Variants in MAP4 observed in about 807,000 individuals in gnomAD.
The protein encoded by MAP4 is microtubule-associated protein 4.
In MAP4, 76 loss-of-function variants were observed where a neutral mutation model predicts 170.2. The observed-to-expected ratio is 0.45, with a 90% CI of 0.37 to 0.54. The LOEUF (loss-of-function observed/expected upper bound fraction) is 0.54, where lower values mean the gene tolerates loss of function less well. Ranked by LOEUF, MAP4 falls within the 20% of genes least tolerant of loss-of-function variation. The pLI is 0.00. For synonymous variants in MAP4, 909 were observed against 994.5 expected (o/e 0.91, Z 1.62); for missense variants, 2,506 against 2,748.0 (o/e 0.91, Z 1.97).
At chr3:48,073,976 T>C (rs1231339541) in intron 1 of MAP4, among the ~76,000 whole-genome samples, 1 of 152,100 alleles carries the variant, frequency 6.6e-6, no homozygotes, top group Admixed American at 6.6e-5. Context: ...CAAAAGATTA[T>C]AAATCATGTG....
intron 10 of MAP4, among the ~76,000 whole-genome samples, chr3:47,886,024 G>A (rs567792288): frequency 3.0e-4 from 45 of 152,202 alleles, no homozygotes; most frequent in African/African-American, 1.1e-3. Flanking sequence ...CACCGCGCCC[G>A]GCTAATGCCT....
chr3:47,952,525 A>C (rs1369370844), intron 3 of MAP4, among the ~76,000 whole-genome samples: 4 of 152,110 alleles, frequency 2.6e-5, no homozygotes, highest in Non-Finnish European at 5.9e-5. Flanking sequence ...GGGAGACTTC[A>C]TTTTGTTCTG....
At chr3:47,880,161 G>A (rs530110752) in intron 10 of MAP4, among the ~76,000 whole-genome samples, 44 of 151,774 alleles carry the variant, frequency 2.9e-4, no homozygotes, top group African/African-American at 1.1e-3. Context: ...GAGTGCAGTG[G>A]TGTGATCTCA....
At chr3:48,011,240 G>A (rs939191174) in intron 1 of MAP4, among the ~76,000 whole-genome samples, 3 of 152,112 alleles carry the variant, frequency 2.0e-5, no homozygotes, top group African/African-American at 7.2e-5. Flanking sequence ...GGTTCCTATA[G>A]TAGGAACTGG....
At chr3:48,043,722 A>C (rs1248085196) in intron 1 of MAP4, among the ~76,000 whole-genome samples, 1 of 152,260 alleles carries the variant, frequency 6.6e-6, no homozygotes, top group African/African-American at 2.4e-5. Context: ...TAAACTTTCC[A>C]CAGTTTACAA....
In MAP4 at chr3:47,852,860, G is replaced by T; in HGVS notation, c.*74C>A. On this transcript the variant is annotated 3_prime_UTR_variant, in exon 21 of 21. Coordinates refer to ENST00000683076, the MANE Select transcript of MAP4 (RefSeq NM_001385682.1). Reference sequence around the variant, plus strand: ...GAGTTGGGGCCGCCAGGGAAGTGTGGGGGGCGGGAGACAATGTCGGCCCCG... The same window carrying T: ...GAGTTGGGGCCGCCAGGGAAGTGTGTGGGGCGGGAGACAATGTCGGCCCCG... 1.9e-6 allele frequency: 3 copies of T among 1,566,782 alleles called. No individual in the cohort carries two copies. The highest frequency in any genetic ancestry group is 2.6e-6 in the Non-Finnish European group (3 of 1,155,710).
In MAP4 at chr3:48,058,107, T is replaced by C. The variant is rs543229668; in HGVS notation, c.-20+30666A>G. Among the ~76,000 whole-genome samples, 3 of 152,296 alleles carry C rather than the reference T, an allele frequency of 2.0e-5. No individual in the cohort carries two copies. The East Asian group carries it at 5.8e-4, about 29-fold the overall frequency. ...TATAAGATGCTTACAAACCTAACAGTTCCATTTCGTTGGCTGTAAATAAAG... is the reference window on the plus strand; with the variant it reads ...TATAAGATGCTTACAAACCTAACAGCTCCATTTCGTTGGCTGTAAATAAAG... On this transcript the variant is annotated intron_variant, in intron 1 of 18. Coordinates refer to the MAP4 transcript ENST00000360240.
intron 10 of MAP4, among the ~76,000 whole-genome samples, chr3:47,895,635 T>A (rs1467090405): frequency 1.3e-5 from 2 of 152,236 alleles, no homozygotes; most frequent in Non-Finnish European, 2.9e-5. Flanking sequence ...TATAGCCAAA[T>A]TATTTTTAGT....
chr3:47,876,194 C>A (rs2095385960), intron 11 of MAP4, among the ~76,000 whole-genome samples: 1 of 145,732 alleles, frequency 6.9e-6, no homozygotes, highest in Admixed American at 7.0e-5. Context: ...AGTGCAGTGG[C>A]GATCTCGGCT....
Position 47,982,054 on chromosome 3 carries a change from G to A in MAP4, c.224-4121C>T, listed in dbSNP as rs116637890. Among the ~76,000 whole-genome samples the A allele has an allele frequency of 3.8e-3, 572 of 152,222 alleles. 4 individuals carry two copies. Among genetic ancestry groups the A allele is most frequent in the African/African-American group, 0.013 (535 of 41,516 alleles). On this transcript the variant is annotated intron_variant, in intron 2 of 20. Transcript: ENST00000683076. Reference sequence around the variant, plus strand: ...AATCCCAGCAATTTGGGAAGCCAAGGTGAGCAGATCACTTGAGGCCAGGAA... The same window carrying A: ...AATCCCAGCAATTTGGGAAGCCAAGATGAGCAGATCACTTGAGGCCAGGAA...
intron 8 of MAP4, among the ~76,000 whole-genome samples, chr3:47,914,485 G>A (rs1213842615): frequency 1.3e-5 from 2 of 151,586 alleles, no homozygotes; most frequent in Non-Finnish European, 2.9e-5. Context: ...AGTAGGTGGA[G>A]GATGCAGTGA....
At chr3:47,920,602 A>G (rs1214080253) in intron 5 of MAP4, among the ~76,000 whole-genome samples, 1 of 134,006 alleles carries the variant, frequency 7.5e-6, no homozygotes, top group Non-Finnish European at 1.5e-5. Flanking sequence ...TCCAGGCTGG[A>G]GTACAGTGGC....
Position 47,912,398 on chromosome 3 carries a change from G to T in MAP4, c.2023C>A (p.Pro675Thr), listed in dbSNP as rs1446098997. Residue 675 changes from proline to threonine, a missense_variant, in exon 9 of 21, where the codon CCT becomes ACT. Transcript: ENST00000683076. The stretch of plus-strand genomic sequence containing the variant: ...CAAACTTGTTTGGCTTGTGTGGGAG[G>T]GGTACCGCAATACATGAAGTTGGCT... ...TSANFMYCGT[P>T]PTQAKQVCRP... The T allele has an allele frequency of 1.7e-5, 26 of 1,499,936 alleles. No homozygotes were observed. Among genetic ancestry groups the T allele is most frequent in the Non-Finnish European group, 2.3e-5 (26 of 1,125,594 alleles). 92.9% of individuals were successfully genotyped at this position (1,499,936 alleles called of 1,614,324 possible).
intron 2 of MAP4, among the ~76,000 whole-genome samples, chr3:47,989,696 T>C (rs1488261381): frequency 6.6e-6 from 1 of 151,766 alleles, no homozygotes; most frequent in Non-Finnish European, 1.5e-5. Context: ...CTAAAAACAA[T>C]AAGGTTGACA....
rs199605842 is a variant in MAP4 at position 47,869,326 on chromosome 3, G to C, written c.6296C>G (p.Ala2099Gly). 6.2e-7 allele frequency: 1 copy of C among 1,606,640 alleles called. No individual in the cohort carries two copies. The highest frequency in any genetic ancestry group is 2.2e-5 in the East Asian group (1 of 44,848). The change falls in exon 16 of 21, where the codon GCC (alanine) becomes GGC (glycine). Residue 2099 changes from alanine (A) to glycine (G), a missense_variant and splice_region_variant. Physicochemically the swap from Ala to Gly is moderately conservative, Grantham distance 60. Transcript: ENST00000683076. ...TGCCTCTGTTTTTTTCTCTACTTTGGCCTGGATGGAGATAAAGGGAGGGCA... is the reference window on the plus strand; with the variant it reads ...TGCCTCTGTTTTTTTCTCTACTTTGCCCTGGATGGAGATAAAGGGAGGGCA... ...NIKHQPGGGRAKVEKKTEAAA... is the reference protein window; with the variant it reads ...NIKHQPGGGRGKVEKKTEAAA...
chr3:47,896,620 GTAA>G (rs1005131218), intron 10 of MAP4, among the ~76,000 whole-genome samples: 1 of 152,096 alleles, frequency 6.6e-6, no homozygotes, highest in Admixed American at 6.6e-5. Flanking sequence ...CTGATGTGTA[GTAA>G]TAATAACAAC....
At chr3:47,894,027 G>C (rs182017892) in intron 10 of MAP4, among the ~76,000 whole-genome samples, 1 of 151,466 alleles carries the variant, frequency 6.6e-6, no homozygotes, top group African/African-American at 2.4e-5. Flanking sequence ...TTCAGTACCT[G>C]ACACAGGGCT....
rs760056631 is a variant in MAP4, at chr3:47,910,117, A to C, written c.4304T>G (p.Leu1435Arg). ...CAGTTTTTCACAGGCTGCTGATTCC[A>C]GAACCTCTAGAGGAGATGATTTATT... ...LINKSSPLEVLESAACEKLPT... is the reference protein window; with the variant it reads ...LINKSSPLEVRESAACEKLPT... The change falls in exon 9 of 21, where the codon CTG becomes CGG. Residue 1435 changes from leucine to arginine, a missense_variant. Coordinates refer to ENST00000683076, the MANE Select transcript of MAP4 (RefSeq NM_001385682.1). 1 of 1,614,040 alleles carries C rather than the reference A, an allele frequency of 6.2e-7. No individual in the cohort carries two copies. The highest frequency in any genetic ancestry group is 2.2e-5 in the East Asian group (1 of 44,888).
At chr3:47,968,948 G>T (rs549060071) in intron 3 of MAP4, among the ~76,000 whole-genome samples, 1 of 152,192 alleles carries the variant, frequency 6.6e-6, no homozygotes, top group Admixed American at 6.5e-5. Context: ...GTTTATAAGG[G>T]AATACTAAGA....
Sources: allele counts gnomAD v4.1 joint callset (sites outside exome capture counted in the v4.1 genomes callset), GRCh38; gene constraint gnomAD v4.1.1; transcripts MANE v1.5; gene names NCBI Gene and HGNC (gene_info 2026-07-23, HGNC 2026-07-21).